The following DET1 variants were observed in gnomAD, a reference collection of about 807,000 sequenced individuals.
DET1 encodes DET1 homolog.
A neutral mutation model predicts 43.7 loss-of-function variants in DET1; 22 were observed. The ratio of observed to expected loss-of-function variants is 0.50; its 90% CI spans 0.36 to 0.72. DET1 has a LOEUF of 0.72. Among genes scored for constraint, DET1 ranks in the 30% least tolerant of loss-of-function variants. The probability of loss-of-function intolerance (pLI) is 0.00; values close to 1 mark genes in which losing one functional copy is unlikely to be tolerated. For missense variants in DET1, 713 were observed against 713.3 expected (o/e 1.00, Z 0.00); for synonymous variants, 315 against 266.2 (o/e 1.18, Z -1.79).
downstream of DET1, among the ~76,000 whole-genome samples, chr15:88,507,541 G>A (rs1172957970): frequency 9.9e-5 from 15 of 152,172 alleles, no homozygotes; most frequent in African/African-American, 1.4e-4. Context: ...AACCAATCAC[G>A]ATAGTCCCAT....
At position 88,527,579 on chromosome 15, in the gene DET1, A is replaced by G; in HGVS notation, c.1271+20T>C. 6.4e-7 allele frequency: 1 copy of G among 1,564,106 alleles called. No individual in the cohort carries two copies. On this transcript the variant is annotated intron_variant, in intron 3 of 4. Transcript: ENST00000268148. ...AATTTTTCTAAAGAAAAGACTGTTG[A>G]GTCTGGTGGAACAGCTTACCGGCGC...
chr15:88,534,969 C>A (rs1425468580), intron 1 of DET1, among the ~76,000 whole-genome samples: 1 of 152,144 alleles, frequency 6.6e-6, no homozygotes, highest in African/African-American at 2.4e-5. Context: ...TTGACAGACA[C>A]CAATGTTGAG....
chr15:88,531,233 G>C lies in DET1; in HGVS notation c.473C>G (p.Ser158Ter). ...AGGCTCATCTGGGAGGTAGGCAGCTGAGCCCACGATGACACAGCGGCAGTC... is the reference window on the plus strand; with the variant it reads ...AGGCTCATCTGGGAGGTAGGCAGCTCAGCCCACGATGACACAGCGGCAGTC... ...TDDCRCVIVG[S>*]AAYLPDEPHP... Residue 158 changes from serine to a stop codon, truncating the protein, a stop_gained, in exon 2 of 5, where the codon TCA (serine) becomes TGA (stop). Transcript: ENST00000268148. LOFTEE classifies it high-confidence loss of function. This position sits in a 1 kb window ranked among gnomAD's most constrained non-coding sequence, Gnocchi z 6.2. 6.2e-7 allele frequency: 1 copy of C among 1,613,942 alleles called. No homozygotes were observed. The highest frequency in any genetic ancestry group is 8.5e-7 in the Non-Finnish European group (1 of 1,179,854).
chr15:88,522,746 C>T (rs1324177351), intron 3 of DET1, among the ~76,000 whole-genome samples: 1 of 151,800 alleles, frequency 6.6e-6, no homozygotes, highest in Non-Finnish European at 1.5e-5. Context: ...TCTCCATCTC[C>T]TGACCTCATG....
chr15:88,512,811 C>G lies in DET1; in HGVS notation c.*140G>C. 7.0e-7 allele frequency: 1 copy of G among 1,423,082 alleles called. No homozygotes were observed. Among genetic ancestry groups the G allele is most frequent in the East Asian group, 2.5e-5 (1 of 40,346 alleles). 88.2% of individuals were successfully genotyped at this position (1,423,082 alleles called of 1,614,324 possible). A position where few individuals can be genotyped will look rare whatever the true frequency, so the allele number is the denominator to read the frequency against. On this transcript the variant is annotated 3_prime_UTR_variant, in exon 5 of 5. Coordinates refer to ENST00000268148, the MANE Select transcript of DET1 (RefSeq NM_001144074.3). ...ATTAGGTTGAGCCACCCTCACTCCTCTCTCTGGCTCTCTCCCATCTGAGGT... is the reference window on the plus strand; with the variant it reads ...ATTAGGTTGAGCCACCCTCACTCCTGTCTCTGGCTCTCTCCCATCTGAGGT...
downstream of DET1, among the ~76,000 whole-genome samples, chr15:88,510,345 G>A (rs143351025): frequency 2.0e-5 from 3 of 152,116 alleles, no homozygotes; most frequent in African/African-American, 7.2e-5. Flanking sequence ...TGAGCAGAAG[G>A]GCCCAGATTC....
downstream of DET1, among the ~76,000 whole-genome samples, chr15:88,509,634 G>A (rs2056176644): frequency 6.6e-6 from 1 of 152,202 alleles, no homozygotes; most frequent in Admixed American, 6.5e-5. Flanking sequence ...AAGACGAGAG[G>A]ATCTGAGGGT....
At position 88,531,462 on chromosome 15, in the gene DET1, G is replaced by C; in HGVS notation, c.244C>G (p.Leu82Val). ...CAGCCCTGGTACTCATAGATTTCAA[G>C]AGATGTCTGGTCTGAAGAAAAAGCA... The part of the protein sequence containing the change: ...FIAFSSDQTS[L>V]EIYEYQGCQA... The change falls in exon 2 of 5, where the codon CTT becomes GTT. Residue 82 changes from leucine to valine, a missense_variant. By Grantham distance (32) the Leu-to-Val change is conservative. Coordinates refer to ENST00000268148, the MANE Select transcript of DET1 (RefSeq NM_001144074.3). The surrounding 1 kb of genome is among the most constrained non-coding windows in gnomAD (Gnocchi z 6.2). The C allele has an allele frequency of 6.2e-7, 1 of 1,614,032 alleles. No homozygotes were observed. Among genetic ancestry groups the C allele is most frequent in the Non-Finnish European group, 8.5e-7 (1 of 1,179,904 alleles).
chr15:88,534,956 C>A (rs935763263), intron 1 of DET1, among the ~76,000 whole-genome samples: 1 of 152,246 alleles, frequency 6.6e-6, no homozygotes, highest in Admixed American at 6.5e-5. Context: ...CTAGAAAAGA[C>A]AATTGACAGA....
intron 4 of DET1, among the ~76,000 whole-genome samples, chr15:88,513,880 A>G (rs2056268867): frequency 7.1e-6 from 1 of 141,030 alleles, no homozygotes; most frequent in South Asian, 2.3e-4. Flanking sequence ...GCTCACTGCA[A>G]GCTCCGCCTC....
rs565687341 is a variant in DET1, at chr15:88,536,518, G to T, written c.-10-4803C>A. The T allele has an allele frequency of 2.5e-5, 13 of 517,994 alleles. 1 individual carries two copies. The highest frequency in any genetic ancestry group is 5.0e-4 in the Middle Eastern group (1 of 1,982). 32.1% of individuals were successfully genotyped at this position (517,994 alleles called of 1,614,324 possible). On this transcript the variant is annotated intron_variant, in intron 1 of 4. Transcript: ENST00000268148. ...AAACTGGCCGGGTGCAGTGGCTCAC[G>T]CCTGTAATACCAGCACTTTGGGAGG...
At chr15:88,514,409 T>C (rs572501248) in intron 4 of DET1, among the ~76,000 whole-genome samples, 2 of 152,360 alleles carry the variant, frequency 1.3e-5, no homozygotes, top group South Asian at 4.1e-4. Flanking sequence ...AAGATATTTA[T>C]ACCTTTTGAC....
In DET1 at chr15:88,519,007, T is replaced by C. The variant is rs562580736; in HGVS notation, c.1272-2034A>G. 5.9e-5 allele frequency among the ~76,000 whole-genome samples: 9 copies of C among 152,242 alleles called. No homozygotes were observed. The South Asian group carries it at 1.9e-3, about 32-fold the overall frequency. ...TTTTTCCCTTTCATTTGAGCTGAAA[T>C]AAAAGATCCTGGGCACTTCGGTTTT... On this transcript the variant is annotated intron_variant, in intron 3 of 4. Coordinates refer to ENST00000268148, the MANE Select transcript of DET1 (RefSeq NM_001144074.3).
intron 3 of DET1, among the ~76,000 whole-genome samples, chr15:88,520,488 A>C (rs2056461462): frequency 6.6e-6 from 1 of 152,096 alleles, no homozygotes; most frequent in South Asian, 2.1e-4. Context: ...CACAGCTAAC[A>C]CTCCTTTGAG....
At chr15:88,534,341 C>A (rs1340303475) in intron 1 of DET1, among the ~76,000 whole-genome samples, 1 of 152,118 alleles carries the variant, frequency 6.6e-6, no homozygotes, top group African/African-American at 2.4e-5. Context: ...AAAACCTAGA[C>A]AGAATGCATA....
chr15:88,520,031 A>G (rs1160206799), intron 3 of DET1, among the ~76,000 whole-genome samples: 1 of 152,144 alleles, frequency 6.6e-6, no homozygotes, highest in African/African-American at 2.4e-5. Flanking sequence ...TCTACCCAAC[A>G]TTTGTACATA....
chr15:88,525,969 C>T (rs1010807945), intron 3 of DET1, among the ~76,000 whole-genome samples: 3 of 151,870 alleles, frequency 2.0e-5, no homozygotes, highest in Non-Finnish European at 4.4e-5. Context: ...AGCCACCACA[C>T]TCAGACTGTT....
Position 88,530,604 on chromosome 15 carries a change from G to C in DET1, c.1083+19C>G, listed in dbSNP as rs748019082. 1.3e-6 allele frequency: 2 copies of C among 1,567,044 alleles called. No individual in the cohort carries two copies. The highest frequency in any genetic ancestry group is 1.7e-6 in the Non-Finnish European group (2 of 1,156,430). On this transcript the variant is annotated intron_variant, in intron 2 of 4. Transcript: ENST00000268148. Reference sequence around the variant, plus strand: ...GCCAAGGAGATTAGACAAGTAAAAGGCAGGAGTGTACCTCATACCTGTGAT... The same window carrying C: ...GCCAAGGAGATTAGACAAGTAAAAGCCAGGAGTGTACCTCATACCTGTGAT...
intron 1 of DET1, among the ~76,000 whole-genome samples, chr15:88,542,444 T>C (rs1013389073): frequency 6.6e-6 from 1 of 152,138 alleles, no homozygotes; most frequent in African/African-American, 2.4e-5. Context: ...GGAGCGTTTT[T>C]AGAATGTCTC....
Sources: gnomAD v4.1 joint callset for allele counts (sites outside exome capture counted in the v4.1 genomes callset) on GRCh38, gnomAD v4.1.1 for gene constraint, Gnocchi (gnomAD v3.1) non-coding constraint, MANE v1.5 for transcripts, NCBI Gene and HGNC (gene_info 2026-07-23, HGNC 2026-07-21) for gene names.